CTDSPL2: variants seen among roughly 807,000 people sequenced by gnomAD.
The protein encoded by CTDSPL2 is CTD small phosphatase-like protein 2.
Under a neutral mutation model 60.0 loss-of-function variants are expected in CTDSPL2, and 5 were observed. The ratio of observed to expected loss-of-function variants is 0.08; its 90% CI spans 0.04 to 0.18. The LOEUF (loss-of-function observed/expected upper bound fraction) is 0.18, where lower values mean the gene tolerates loss of function less well. Ranked by LOEUF, CTDSPL2 falls within the 10% of genes least tolerant of loss-of-function variation. The pLI, the probability that CTDSPL2 is intolerant of heterozygous loss-of-function variation, is 1.00. For synonymous variants in CTDSPL2, 186 were observed against 189.3 expected, an observed-to-expected ratio of 0.98 and a Z score of 0.14; for missense variants, 370 against 548.8, an observed-to-expected ratio of 0.67 and a Z score of 3.26.
chr15:44,468,571 TA>T (rs1365893211), intron 2 of CTDSPL2, among the ~76,000 whole-genome samples: 3 of 152,208 alleles, frequency 2.0e-5, no homozygotes, highest in Admixed American at 1.3e-4. Context: ...AGTGAGAGCT[TA>T]AATCAGATAT....
chr15:44,460,302 T>G (rs1271449754), intron 2 of CTDSPL2, among the ~76,000 whole-genome samples: 2 of 151,876 alleles, frequency 1.3e-5, no homozygotes, highest in East Asian at 1.9e-4. Flanking sequence ...TAGAGACGGG[T>G]TTTCACTATG....
At chr15:44,446,836 A>T (rs914676980) in intron 1 of CTDSPL2, among the ~76,000 whole-genome samples, 1 of 145,780 alleles carries the variant, frequency 6.9e-6, no homozygotes, top group African/African-American at 2.5e-5. Flanking sequence ...GCTCACTGCA[A>T]CCTCTGCTCT....
At chr15:44,448,134 C>T (rs1199220040) in intron 1 of CTDSPL2, 5 of 261,020 alleles carry the variant, frequency 1.9e-5, no homozygotes, top group African/African-American at 1.1e-4. Context: ...GAACCATGCA[C>T]TCCACACCAG....
intron 1 of CTDSPL2, among the ~76,000 whole-genome samples, chr15:44,435,694 C>T (rs2079965721): frequency 6.7e-6 from 1 of 150,038 alleles, no homozygotes; most frequent in South Asian, 2.1e-4. Flanking sequence ...GCAACCTCTG[C>T]CTCCCGGGTT....
chr15:44,466,479 GTATT>G (rs1168351167), intron 2 of CTDSPL2, among the ~76,000 whole-genome samples: 3 of 152,174 alleles, frequency 2.0e-5, no homozygotes, highest in African/African-American at 7.2e-5. Context: ...ACACAAGCAT[GTATT>G]TATATTTAGT....
Position 44,521,462 on chromosome 15 carries a change from T to C in CTDSPL2, c.1335+56T>C, listed in dbSNP as rs185867919. The C allele has an allele frequency of 1.3e-4, 121 of 900,148 alleles. 1 individual carries two copies. The Admixed American group carries it at 2.2e-3, about 16-fold the overall frequency. The allele number at this position is 900,148 out of a possible 1,614,324, so 55.8% of individuals were successfully genotyped here. ...TTTTGTTAGCTCAACTATATTGAAATAAATATTTTTAAATGTCTTTGCTTT... is the reference window on the plus strand; with the variant it reads ...TTTTGTTAGCTCAACTATATTGAAACAAATATTTTTAAATGTCTTTGCTTT... On this transcript the variant is annotated intron_variant, in intron 12 of 12. Coordinates refer to ENST00000260327, the MANE Select transcript of CTDSPL2 (RefSeq NM_016396.3).
intron 1 of CTDSPL2, among the ~76,000 whole-genome samples, chr15:44,450,023 C>T (rs1260455719): frequency 6.6e-6 from 1 of 151,536 alleles, no homozygotes; most frequent in African/African-American, 2.4e-5. Context: ...TTTACGTTTG[C>T]ATTATGAAAT....
Position 44,521,414 on chromosome 15 carries a change from T to C in CTDSPL2, c.1335+8T>C. 2 of 1,399,482 alleles carry C rather than the reference T, an allele frequency of 1.4e-6. No individual in the cohort carries two copies. Among genetic ancestry groups the C allele is most frequent in the Non-Finnish European group, 2.0e-6 (2 of 1,006,500 alleles). The allele number at this position is 1,399,482 out of a possible 1,614,324, so 86.7% of individuals were successfully genotyped here. Reference sequence around the variant, plus strand: ...GAGAAGCTTGTAGAACTGGTAAGTGTAGCTTATCTTTTTCTGTTGTGTTTT... The same window carrying C: ...GAGAAGCTTGTAGAACTGGTAAGTGCAGCTTATCTTTTTCTGTTGTGTTTT... On this transcript the variant is annotated splice_region_variant and intron_variant, in intron 12 of 12. Coordinates refer to ENST00000260327, the MANE Select transcript of CTDSPL2 (RefSeq NM_016396.3).
chr15:44,515,586 T>C (rs2081635823), intron 10 of CTDSPL2, among the ~76,000 whole-genome samples: 1 of 152,148 alleles, frequency 6.6e-6, no homozygotes. Context: ...AAAGCTTTAA[T>C]AGGGCCAGGC....
At chr15:44,520,650 T>C (rs2081750212) in intron 11 of CTDSPL2, 1 of 152,246 alleles carries the variant, frequency 6.6e-6, no homozygotes, top group Admixed American at 6.5e-5. Context: ...AAAATGTCTT[T>C]TAAGAATTTC....
intron 4 of CTDSPL2, among the ~76,000 whole-genome samples, chr15:44,488,310 C>T (rs762223809): frequency 7.9e-5 from 12 of 151,894 alleles, no homozygotes; most frequent in Admixed American, 2.0e-4. Flanking sequence ...TTGTGTGAGA[C>T]TTGATGAGAC....
intron 8 of CTDSPL2, among the ~76,000 whole-genome samples, chr15:44,512,402 A>C (rs1159914546): frequency 6.6e-6 from 1 of 152,232 alleles, no homozygotes; most frequent in African/African-American, 2.4e-5. Flanking sequence ...AGTGATGAAC[A>C]CTGGCAACAA....
At chr15:44,501,734 C>T (rs1216784858) in intron 8 of CTDSPL2, among the ~76,000 whole-genome samples, 1 of 152,144 alleles carries the variant, frequency 6.6e-6, no homozygotes, top group African/African-American at 2.4e-5. Flanking sequence ...GATGATTGCA[C>T]TTTAATACGA....
rs933101583 is a variant in CTDSPL2 at position 44,525,521 on chromosome 15, A to G, written c.*1347A>G. The G allele has an allele frequency of 4.5e-5, 18 of 398,728 alleles. No homozygotes were observed. Among genetic ancestry groups the G allele is most frequent in the Non-Finnish European group, 8.0e-5 (18 of 225,900 alleles). 24.7% of individuals were successfully genotyped at this position (398,728 alleles called of 1,614,324 possible). On this transcript the variant is annotated 3_prime_UTR_variant, in exon 13 of 13. Coordinates refer to ENST00000260327, the MANE Select transcript of CTDSPL2 (RefSeq NM_016396.3). ...CACAGGCTCAGACTGTTTTTGTGTA[A>G]AGGATGTCAAAGAACGGCACTTTTT...
intron 1 of CTDSPL2, among the ~76,000 whole-genome samples, chr15:44,455,787 G>A (rs989800219): frequency 6.6e-6 from 1 of 151,038 alleles, no homozygotes; most frequent in African/African-American, 2.4e-5. Flanking sequence ...GATCATGGTG[G>A]ATAAGCTTTT....
chr15:44,436,462 C>T (rs185127182), intron 1 of CTDSPL2, among the ~76,000 whole-genome samples: 1 of 152,070 alleles, frequency 6.6e-6, no homozygotes, highest in Non-Finnish European at 1.5e-5. Flanking sequence ...TTTGACAGCT[C>T]TTTGTTTGTT....
chr15:44,473,436 C>T (rs1235129548), intron 2 of CTDSPL2, among the ~76,000 whole-genome samples: 1 of 152,170 alleles, frequency 6.6e-6, no homozygotes, highest in African/African-American at 2.4e-5. Context: ...GCTGGGACTA[C>T]AGGCGCCCGC....
chr15:44,444,336 CACACAG>C (rs1229242687), intron 1 of CTDSPL2, among the ~76,000 whole-genome samples: 2 of 150,580 alleles, frequency 1.3e-5, no homozygotes, highest in East Asian at 2.0e-4. Flanking sequence ...CACACACACA[CACACAG>C]ACACAGAGAC....
At chr15:44,462,741 C>T (rs1464409707) in intron 2 of CTDSPL2, among the ~76,000 whole-genome samples, 1 of 116,664 alleles carries the variant, frequency 8.6e-6, no homozygotes, top group Non-Finnish European at 1.6e-5. Flanking sequence ...GAGTCTTGGT[C>T]TGTTGCCCAG....
Sources: allele counts gnomAD v4.1 joint callset (sites outside exome capture counted in the v4.1 genomes callset), GRCh38; gene constraint gnomAD v4.1.1; transcripts MANE v1.5; gene names NCBI Gene and HGNC (gene_info 2026-07-23, HGNC 2026-07-21).